SOX5: variants seen among roughly 807,000 people sequenced by gnomAD.
SOX5 encodes the protein SRY-box transcription factor 5.
A neutral mutation model predicts 92.0 loss-of-function variants in SOX5; 9 were observed. That is an observed-to-expected ratio of 0.10 (90% confidence interval 0.06 to 0.17). The LOEUF (loss-of-function observed/expected upper bound fraction) is 0.17, where lower values mean the gene tolerates loss of function less well. Ranked by LOEUF, SOX5 falls within the 10% of genes least tolerant of loss-of-function variation. The pLI is 1.00. For synonymous variants in SOX5, 344 were observed against 336.3 expected (o/e 1.02, Z -0.25); for missense variants, 642 against 944.5 (o/e 0.68, Z 4.20).
upstream of SOX5, among the ~76,000 whole-genome samples, chr12:23,952,095 A>T (rs554532794): frequency 1.8e-4 from 27 of 152,214 alleles, no homozygotes; most frequent in South Asian, 4.6e-3. Context: ...AATATTTAAA[A>T]TTTTTTTCCT....
intron 3 of SOX5, among the ~76,000 whole-genome samples, chr12:23,790,618 A>T (rs2095458945): frequency 1.3e-5 from 2 of 151,424 alleles, no homozygotes. Flanking sequence ...CAATTGATAC[A>T]TTTTCCACTA....
chr12:24,029,727 C>A (rs1955272083), intron 4 of SOX5, among the ~76,000 whole-genome samples: 1 of 151,878 alleles, frequency 6.6e-6, no homozygotes, highest in South Asian at 2.1e-4. Flanking sequence ...TCCTTATGCT[C>A]TTTTAAGTTC....
intron 14 of SOX5, 78 bp downstream of exon 14, chr12:23,536,375 C>G: frequency 8.7e-7 from 1 of 1,152,702 alleles, no homozygotes; most frequent in Non-Finnish European, 1.3e-6. Context: ...CTTTTTGCAA[C>G]TGAACAAATA....
intron 1 of SOX5, among the ~76,000 whole-genome samples, chr12:24,512,751 T>C (rs1949437824): frequency 6.6e-6 from 1 of 152,222 alleles, no homozygotes; most frequent in South Asian, 2.1e-4. Context: ...TAGTAGATTA[T>C]CATTCAGGTT....
intron 4 of SOX5, among the ~76,000 whole-genome samples, chr12:23,956,239 T>A (rs1012907762): frequency 6.6e-6 from 1 of 152,084 alleles, no homozygotes; most frequent in African/African-American, 2.4e-5. Flanking sequence ...TCTACTTGTA[T>A]CTAGCACAGT....
At chr12:23,643,594 T>C (rs942397107) in intron 7 of SOX5, among the ~76,000 whole-genome samples, 9 of 152,182 alleles carry the variant, frequency 5.9e-5, no homozygotes, top group African/African-American at 2.2e-4. Context: ...GACTGTGGGA[T>C]GTACTAACAT....
chr12:24,427,040 A>G (rs771595489), intron 1 of SOX5, among the ~76,000 whole-genome samples: 4 of 152,226 alleles, frequency 2.6e-5, no homozygotes, highest in Non-Finnish European at 4.4e-5. Context: ...ATTTGTTTAC[A>G]TGCCGTCTCA....
In SOX5 at chr12:23,531,358, C is replaced by G; in HGVS notation, c.*2861G>C. On this transcript the variant is annotated 3_prime_UTR_variant, in exon 15 of 15. Coordinates refer to ENST00000451604, the MANE Select transcript of SOX5 (RefSeq NM_006940.6). ...CCCCTTCAAATAAAACAAAATATAA[C>G]AAAAAAAAGACCAAACACCAAAGTG... The G allele has an allele frequency of 6.6e-6, 1 of 151,714 alleles. No individual in the cohort carries two copies. The highest frequency in any genetic ancestry group is 1.5e-5 in the Non-Finnish European group (1 of 67,872). 9.4% of individuals were successfully genotyped at this position (151,714 alleles called of 1,614,324 possible).
intron 4 of SOX5, among the ~76,000 whole-genome samples, chr12:24,100,625 G>A (rs1287314090): frequency 6.6e-6 from 1 of 152,048 alleles, no homozygotes; most frequent in African/African-American, 2.4e-5. Context: ...TGCTTCTGAT[G>A]AACAAATTTA....
In SOX5 at chr12:24,041,144, C is replaced by G. The variant is rs1282752683; in HGVS notation, c.-1-145120G>C. On this transcript the variant is annotated intron_variant, in intron 4 of 4. Coordinates refer to the SOX5 transcript ENST00000446891. ...GTAGCTGCAAATGGATAAGAGATAT[C>G]AAAGCTGAAGAATCCCAAATACCAG... Among the ~76,000 whole-genome samples, 3 of 152,116 alleles carry G rather than the reference C, an allele frequency of 2.0e-5. No homozygotes were observed. In the East Asian group the frequency reaches 5.8e-4, roughly 29 times the overall value.
chr12:23,711,092 T>C (rs1229095159), intron 6 of SOX5, among the ~76,000 whole-genome samples: 1 of 152,176 alleles, frequency 6.6e-6, no homozygotes, highest in Non-Finnish European at 1.5e-5. Context: ...ACAAATATAC[T>C]CATCTCATAA....
intron 4 of SOX5, among the ~76,000 whole-genome samples, chr12:24,177,728 A>T (rs1954981492): frequency 6.6e-6 from 1 of 151,136 alleles, no homozygotes; most frequent in East Asian, 1.9e-4. Context: ...TTCTCTTGGG[A>T]TAATAAAATT....
chr12:24,291,279 G>A (rs1160623077), intron 2 of SOX5, among the ~76,000 whole-genome samples: 1 of 152,132 alleles, frequency 6.6e-6, no homozygotes, highest in African/African-American at 2.4e-5. Flanking sequence ...ATTTTATTGA[G>A]GGATTTATCA....
intron 7 of SOX5, among the ~76,000 whole-genome samples, chr12:23,653,829 A>C (rs561832337): frequency 3.3e-5 from 5 of 152,078 alleles, no homozygotes; most frequent in Non-Finnish European, 7.4e-5. Context: ...AGACCATAGC[A>C]ATCCCATTCT....
intron 4 of SOX5, among the ~76,000 whole-genome samples, chr12:24,088,798 C>T (rs1944311625): frequency 6.6e-6 from 1 of 151,990 alleles, no homozygotes; most frequent in Admixed American, 6.6e-5. Flanking sequence ...CTACTGATAA[C>T]AGTGGATTAT....
At chr12:24,096,717 G>T (rs1218465876) in intron 4 of SOX5, among the ~76,000 whole-genome samples, 1 of 152,074 alleles carries the variant, frequency 6.6e-6, no homozygotes, top group Non-Finnish European at 1.5e-5. Flanking sequence ...CAACCATTGA[G>T]AAAATTTGGC....
chr12:23,868,031 T>G (rs2096834011), intron 2 of SOX5, among the ~76,000 whole-genome samples: 1 of 151,746 alleles, frequency 6.6e-6, no homozygotes, highest in Non-Finnish European at 1.5e-5. Context: ...CTCCCTTTTT[T>G]CTTTTTTCCT....
chr12:23,747,743 T>G (rs977456261), intron 4 of SOX5, among the ~76,000 whole-genome samples: 1 of 152,032 alleles, frequency 6.6e-6, no homozygotes, highest in African/African-American at 2.4e-5. Context: ...CACTCCTAGT[T>G]ATAATGCCCC....
At chr12:24,266,309 T>C (rs1943016624) in intron 3 of SOX5, among the ~76,000 whole-genome samples, 1 of 152,158 alleles carries the variant, frequency 6.6e-6, no homozygotes, top group African/African-American at 2.4e-5. Flanking sequence ...TATAACTAAA[T>C]ATAAATATAT....
Sources: allele counts gnomAD v4.1 joint callset (sites outside exome capture counted in the v4.1 genomes callset), GRCh38; gene constraint gnomAD v4.1.1; transcripts MANE v1.5; gene names NCBI Gene and HGNC (gene_info 2026-07-23, HGNC 2026-07-21).